PTPRM: variants seen among roughly 807,000 people sequenced by gnomAD.
PTPRM encodes the protein receptor-type tyrosine-protein phosphatase mu.
A neutral mutation model predicts 186.7 loss-of-function variants in PTPRM; 47 were observed. The ratio of observed to expected loss-of-function variants is 0.25; its 90% confidence interval spans 0.20 to 0.32. The LOEUF (loss-of-function observed/expected upper bound fraction) is 0.32. PTPRM is among the 10% of genes least tolerant of loss of function. The probability of loss-of-function intolerance (pLI) is 1.00; values close to 1 mark genes in which losing one functional copy is unlikely to be tolerated. For synonymous variants in PTPRM, 668 were observed against 674.9 expected (o/e 0.99, Z 0.16); for missense variants, 1,494 against 1,865.0 (o/e 0.80, Z 3.66).
chr18:8,054,801 CTTTATTGCAGG>C (rs2087799036), intron 7 of PTPRM, among the ~76,000 whole-genome samples: 1 of 152,018 alleles, frequency 6.6e-6, no homozygotes, highest in South Asian at 2.1e-4. Flanking sequence ...GAAGGTGATC[CTTTATTGCAGG>C]TTCATTGGTA....
intron 23 of PTPRM, among the ~76,000 whole-genome samples, chr18:8,348,677 C>G (rs922479860): frequency 8.5e-5 from 13 of 152,198 alleles, no homozygotes; most frequent in African/African-American, 1.2e-4. Flanking sequence ...TGGTATTGAG[C>G]TGTTCCATCT....
intron 14 of PTPRM, among the ~76,000 whole-genome samples, chr18:8,203,061 C>G (rs1019992766): frequency 6.6e-5 from 10 of 152,204 alleles, no homozygotes; most frequent in Non-Finnish European, 1.0e-4. Flanking sequence ...TACGGCGAAT[C>G]AAACTGAATT....
At chr18:7,906,112 C>T (rs2146549998) in intron 3 of PTPRM, among the ~76,000 whole-genome samples, 1 of 152,104 alleles carries the variant, frequency 6.6e-6, no homozygotes, top group East Asian at 1.9e-4. Flanking sequence ...AACCCCAAAG[C>T]CTCTTCTATC....
chr18:8,214,144 C>A (rs917604918), intron 14 of PTPRM, among the ~76,000 whole-genome samples: 3 of 152,088 alleles, frequency 2.0e-5, no homozygotes, highest in African/African-American at 7.2e-5. Flanking sequence ...TGAAAAACTG[C>A]CTATTGGGGT....
chr18:7,891,296 A>G (rs554460755), intron 3 of PTPRM, among the ~76,000 whole-genome samples: 1 of 152,160 alleles, frequency 6.6e-6, no homozygotes, highest in South Asian at 2.1e-4. Context: ...AAGAAAAAAA[A>G]TAAAAATAAG....
chr18:7,955,034 TC>T, intron 6 of PTPRM, 86 bp from the exon 7 acceptor site: 22 of 1,331,500 alleles, frequency 1.7e-5, no homozygotes, highest in Non-Finnish European at 2.2e-5. Flanking sequence ...TTTATTATCT[TC>T]TACATTTTAA....
At chr18:8,126,016 TA>T (rs1476041894) in intron 13 of PTPRM, among the ~76,000 whole-genome samples, 888 of 29,610 alleles carry the variant, frequency 0.03, 64 homozygotes, top group Non-Finnish European at 0.049. Context: ...TATATATATA[TA>T]TATATATATA....
At position 7,834,491 on chromosome 18, in the gene PTPRM, T is replaced by TACACACACACACACATACACACAC. The variant is rs1555613408; in HGVS notation, c.197-53600_197-53599insTACACACACACACACACACACACA. Among the ~76,000 whole-genome samples the TACACACACACACACATACACACAC allele has an allele frequency of 1.3e-4, 11 of 84,608 alleles. No individual in the cohort carries two copies. In the East Asian group the frequency reaches 1.6e-3, roughly 12 times the overall value. The allele number at this position is 84,608 out of a possible 152,430, so 55.5% of individuals were successfully genotyped here. ...TAAAATACAGGCCAATATACAAGTATACACACACACACACACACACACACA... is the reference window on the plus strand; with the variant it reads ...TAAAATACAGGCCAATATACAAGTATACACACACACACACATACACACACACACACACACACACACACACACACA... On this transcript the variant is annotated intron_variant, in intron 2 of 32. Transcript: ENST00000580170.
chr18:7,886,703 A>G lies in PTPRM; in HGVS notation c.197-1403A>G, dbSNP rs141030487. Among the ~76,000 whole-genome samples, 315 of 152,268 alleles carry G rather than the reference A, an allele frequency of 2.1e-3. 1 individual carries two copies. Among genetic ancestry groups the G allele is most frequent in the African/African-American group, 7.2e-3 (298 of 41,550 alleles). ...CCTAAAACCTAGATAAGCTGCTTCT[A>G]ATCTCTCTGTGACCCCATTCCTGTT... On this transcript the variant is annotated intron_variant, in intron 2 of 32. Transcript: ENST00000580170.
At chr18:8,146,127 C>T (rs1485587594) in intron 14 of PTPRM, among the ~76,000 whole-genome samples, 2 of 148,710 alleles carry the variant, frequency 1.3e-5, no homozygotes, top group African/African-American at 4.9e-5. Context: ...CTCCCAGGTT[C>T]AAGCAATTAT....
intron 14 of PTPRM, among the ~76,000 whole-genome samples, chr18:8,186,986 G>A (rs1217635598): frequency 6.6e-6 from 1 of 151,314 alleles, no homozygotes; most frequent in Admixed American, 6.6e-5. Context: ...TGTTGTGCAG[G>A]CTGGAGTGCA....
intron 3 of PTPRM, among the ~76,000 whole-genome samples, chr18:7,898,131 T>A (rs1260187147): frequency 2.0e-5 from 3 of 152,244 alleles, no homozygotes; most frequent in Non-Finnish European, 4.4e-5. Context: ...CTCTTTAATA[T>A]TAAAGAAACT....
intron 1 of PTPRM, among the ~76,000 whole-genome samples, chr18:7,679,554 A>G (rs2039430262): frequency 6.6e-6 from 1 of 152,096 alleles, no homozygotes; most frequent in Non-Finnish European, 1.5e-5. Context: ...AATCCCAGCT[A>G]TTCGGGAGGC....
chr18:7,814,790 C>G (rs1169445074), intron 2 of PTPRM: 1 of 152,170 alleles, frequency 6.6e-6, no homozygotes, highest in Non-Finnish European at 1.5e-5. Context: ...TCATGTCTGC[C>G]ACACTTGTCT....
intron 7 of PTPRM, among the ~76,000 whole-genome samples, chr18:7,984,602 T>TATATATATATATATACACACAC (rs1214502563): frequency 5.2e-4 from 45 of 87,166 alleles, no homozygotes; most frequent in Non-Finnish European, 7.9e-4. Context: ...TATATATATA[T>TATATATATATATATACACACAC]ACACACACAC....
chr18:8,350,714 C>G (rs1321492236), intron 23 of PTPRM, among the ~76,000 whole-genome samples: 2 of 152,246 alleles, frequency 1.3e-5, no homozygotes, highest in Non-Finnish European at 2.9e-5. Flanking sequence ...CAAGATCCCT[C>G]TATTCTGTGC....
At chr18:7,817,961 CA>C (rs2044939046) in intron 2 of PTPRM, among the ~76,000 whole-genome samples, 1 of 152,176 alleles carries the variant, frequency 6.6e-6, no homozygotes, top group Non-Finnish European at 1.5e-5. Context: ...GAAAGCTCCG[CA>C]AGGCAGATGG....
chr18:7,882,855 CTGTGCAGTT>C (rs2048577931), intron 2 of PTPRM, among the ~76,000 whole-genome samples: 1 of 152,198 alleles, frequency 6.6e-6, no homozygotes, highest in Non-Finnish European at 1.5e-5. Flanking sequence ...AGGAATAATT[CTGTGCAGTT>C]ATTACTGCTG....
intron 4 of PTPRM, among the ~76,000 whole-genome samples, chr18:7,923,302 A>G (rs1416484713): frequency 3.3e-5 from 5 of 152,152 alleles, no homozygotes; most frequent in Admixed American, 3.3e-4. Flanking sequence ...CACTGGAGAG[A>G]CCAGCACCAG....
Sources: allele counts gnomAD v4.1 joint callset (sites outside exome capture counted in the v4.1 genomes callset), GRCh38; gene constraint gnomAD v4.1.1; transcripts MANE v1.5; gene names NCBI Gene and HGNC (gene_info 2026-07-23, HGNC 2026-07-21).